The following ARHGEF33 variants were observed in gnomAD, a reference collection of about 807,000 sequenced individuals.
ARHGEF33 encodes the protein Rho guanine nucleotide exchange factor 33.
A neutral mutation model predicts 101.9 loss-of-function variants in ARHGEF33; 72 were observed. The ratio of observed to expected loss-of-function variants is 0.71; its 90% confidence interval spans 0.58 to 0.86. ARHGEF33 has a LOEUF of 0.86. ARHGEF33 is among the 40% of genes least tolerant of loss of function. ARHGEF33 has a pLI of 0.00. For missense variants in ARHGEF33, 1,169 were observed against 1,111.3 expected (o/e 1.05, Z -0.74); for synonymous variants, 499 against 442.5 (o/e 1.13, Z -1.60).
In ARHGEF33 at chr2:38,973,915, T is replaced by G; in HGVS notation, c.*72T>G. ...GCTTGTATATATCTGTGTAGGAATA[T>G]ATATATATATCTATATCTATATATA... On this transcript the variant is annotated 3_prime_UTR_variant, in exon 18 of 18. Transcript: ENST00000409978. 1 of 1,044,750 alleles carries G rather than the reference T, an allele frequency of 9.6e-7. No individual in the cohort carries two copies. The highest frequency in any genetic ancestry group is 1.2e-6 in the Non-Finnish European group (1 of 805,390). The allele number at this position is 1,044,750 out of a possible 1,614,324, so 64.7% of individuals were successfully genotyped here. A position where few individuals can be genotyped will look rare whatever the true frequency, so the allele number is the denominator to read the frequency against.
chr2:38,908,036 A>G (rs1666431613), intron 2 of ARHGEF33, among the ~76,000 whole-genome samples: 1 of 151,778 alleles, frequency 6.6e-6, no homozygotes, highest in African/African-American at 2.4e-5. Context: ...TTGAAAAAAA[A>G]AAACTTTTTG....
chr2:38,923,215 GACCTCTGTGATGCTATTATA>G (rs1391174418), intron 4 of ARHGEF33, among the ~76,000 whole-genome samples: 1 of 152,098 alleles, frequency 6.6e-6, no homozygotes, highest in African/African-American at 2.4e-5. Context: ...TGGTCTATAT[GACCTCTGTGATGCTATTATA>G]ACCCCATCCT....
chr2:38,946,886 A>G (rs2124406575), intron 10 of ARHGEF33, among the ~76,000 whole-genome samples: 1 of 152,308 alleles, frequency 6.6e-6, no homozygotes, highest in East Asian at 1.9e-4. Flanking sequence ...TCAGCCTCTC[A>G]AAGTGCTGGG....
Position 38,929,080 on chromosome 2 carries a change from C to G in ARHGEF33, c.240+9C>G, listed in dbSNP as rs1666935867. 1.3e-6 allele frequency: 2 copies of G among 1,541,332 alleles called. No individual in the cohort carries two copies. The highest frequency in any genetic ancestry group is 4.9e-5 in the East Asian group (2 of 40,750). On this transcript the variant is annotated intron_variant, in intron 5 of 17. Coordinates refer to ENST00000409978, the MANE Select transcript of ARHGEF33 (RefSeq NM_001145451.5). ...CATTAAACTATTTCAAGGTAGGCCT[C>G]TCTTTAATTTCCCTGCTGACAAGAG...
At chr2:38,919,263 C>A in intron 2 of ARHGEF33, 100 bp from the exon 3 acceptor site, 1 of 581,024 alleles carries the variant, frequency 1.7e-6, no homozygotes. Context: ...GCATGTACCT[C>A]AAGCTGTGTT....
In ARHGEF33 at chr2:38,956,819, G is replaced by A. The variant is rs1048921887; in HGVS notation, c.1222-80G>A. 2.1e-6 allele frequency: 3 copies of A among 1,461,588 alleles called. No individual in the cohort carries two copies. In the African/African-American group the frequency reaches 4.2e-5, roughly 21 times the overall value. 90.5% of individuals were successfully genotyped at this position (1,461,588 alleles called of 1,614,324 possible). On this transcript the variant is annotated intron_variant, in intron 13 of 17. Transcript: ENST00000409978. ...AAATGGCTATGAATCTCCCACAATAGATCAAGGTGAGGTGCAGAAGAGAAA... is the reference window on the plus strand; with the variant it reads ...AAATGGCTATGAATCTCCCACAATAAATCAAGGTGAGGTGCAGAAGAGAAA...
chr2:38,905,093 A>T (rs1666361432), intron 2 of ARHGEF33, among the ~76,000 whole-genome samples: 1 of 152,152 alleles, frequency 6.6e-6, no homozygotes, highest in African/African-American at 2.4e-5. Flanking sequence ...ATGTGATTTC[A>T]ACAGACTGAG....
In ARHGEF33 at chr2:38,958,199, G is replaced by A. The variant is rs1263879221; in HGVS notation, c.1535+1G>A. 7.1e-6 allele frequency: 11 copies of A among 1,551,330 alleles called. No homozygotes were observed. Among genetic ancestry groups the A allele is most frequent in the African/African-American group, 1.4e-5 (1 of 73,014 alleles). On this transcript the variant is annotated splice_donor_variant, in intron 15 of 17. Coordinates refer to ENST00000409978, the MANE Select transcript of ARHGEF33 (RefSeq NM_001145451.5). LOFTEE classifies it high-confidence loss of function. ...CTCCCAGTTCTGGCCCTGCCATCAC[G>A]TAAGCACCTGTTGCTGTGGGAAGGT...
At chr2:38,919,101 A>G (rs1340626348) in intron 2 of ARHGEF33, among the ~76,000 whole-genome samples, 1 of 152,220 alleles carries the variant, frequency 6.6e-6, no homozygotes, top group Admixed American at 6.5e-5. Context: ...AATCAAACCA[A>G]TAGATCTTAA....
At chr2:38,961,003 T>C (rs903945011) in intron 16 of ARHGEF33, among the ~76,000 whole-genome samples, 5 of 152,156 alleles carry the variant, frequency 3.3e-5, no homozygotes, top group Admixed American at 3.3e-4. Context: ...AATCTCTTCC[T>C]GCTTATGTGA....
chr2:38,965,175 G>T (rs1208477324), intron 16 of ARHGEF33, among the ~76,000 whole-genome samples: 3 of 152,084 alleles, frequency 2.0e-5, no homozygotes, highest in Non-Finnish European at 4.4e-5. Flanking sequence ...TTCTCTAAAG[G>T]TTATTCAAAA....
chr2:38,945,462 A>G (rs1667422430), intron 10 of ARHGEF33, among the ~76,000 whole-genome samples: 1 of 152,252 alleles, frequency 6.6e-6, no homozygotes, highest in Admixed American at 6.5e-5. Context: ...AGCTGTGACC[A>G]TCTGGACTGG....
In ARHGEF33 at chr2:38,928,397, T is replaced by G. The variant is rs539142818; in HGVS notation, c.76-510T>G. On this transcript the variant is annotated intron_variant, in intron 4 of 17. Transcript: ENST00000409978. Reference sequence around the variant, plus strand: ...CATGATATCATCCAAGAGTATTTTTTTTAAAAAAAACCTTCTTTCCTTTCA... The same window carrying G: ...CATGATATCATCCAAGAGTATTTTTGTTAAAAAAAACCTTCTTTCCTTTCA... 9.2e-5 allele frequency among the ~76,000 whole-genome samples: 14 copies of G among 152,224 alleles called. No individual in the cohort carries two copies. In the South Asian group the frequency reaches 2.7e-3, roughly 29 times the overall value.
At chr2:38,937,296 G>T (rs1247780408) in intron 8 of ARHGEF33, 39 bp from the exon 9 acceptor site, 1 of 881,868 alleles carries the variant, frequency 1.1e-6, no homozygotes. Flanking sequence ...TTTGATAGCA[G>T]TTTTCTTTGT....
chr2:38,972,366 G>T (rs1463157793), intron 17 of ARHGEF33, among the ~76,000 whole-genome samples: 1 of 152,170 alleles, frequency 6.6e-6, no homozygotes, highest in Non-Finnish European at 1.5e-5. Context: ...TCCTGAAAAG[G>T]AAGAGAACCT....
intron 1 of ARHGEF33, 126 bp downstream of exon 1, chr2:38,890,112 T>G (rs1665963482): frequency 4.8e-6 from 1 of 207,854 alleles, no homozygotes; most frequent in African/African-American, 2.3e-5. Flanking sequence ...TAACATTTAT[T>G]TGAGGTAGGC....
chr2:38,936,997 CTTT>C (rs754590360), intron 8 of ARHGEF33: 2 of 132,366 alleles, frequency 1.5e-5, no homozygotes, highest in Non-Finnish European at 1.6e-5. Flanking sequence ...AAGTAACAAA[CTTT>C]TTTTTTTTTT....
rs1558422388 is a variant in ARHGEF33, at chr2:38,899,842, A to T, written c.-86+3993A>T. ...TATATACAATTATAATTTGTGAATT[A>T]AAAAAAGAAATTAAAAAAAGAATCA... On this transcript the variant is annotated intron_variant, in intron 2 of 17. Transcript: ENST00000409978. Among the ~76,000 whole-genome samples, 3 of 152,124 alleles carry T rather than the reference A, an allele frequency of 2.0e-5. No individual in the cohort carries two copies. In the South Asian group the frequency reaches 6.2e-4, roughly 32 times the overall value.
intron 4 of ARHGEF33, among the ~76,000 whole-genome samples, chr2:38,926,249 A>G (rs776462478): frequency 6.6e-6 from 1 of 152,314 alleles, no homozygotes; most frequent in East Asian, 1.9e-4. Flanking sequence ...AACGTGTTCA[A>G]CTCGCTGGAG....
Sources: gnomAD v4.1 joint callset for allele counts (sites outside exome capture counted in the v4.1 genomes callset) on GRCh38, gnomAD v4.1.1 for gene constraint, MANE v1.5 for transcripts, NCBI Gene and HGNC (gene_info 2026-07-23, HGNC 2026-07-21) for gene names.